Variants in PCDHGA8 observed in about 807,000 individuals in gnomAD.
PCDHGA8 encodes protocadherin gamma subfamily A, 8.
Under a neutral mutation model 59.2 loss-of-function variants are expected in PCDHGA8, and 45 were observed. That is an observed-to-expected ratio of 0.76 (90% confidence interval 0.60 to 0.98). The LOEUF (loss-of-function observed/expected upper bound fraction) is 0.98. PCDHGA8 is among the 50% of genes least tolerant of loss of function. The probability of loss-of-function intolerance (pLI) is 0.00; values close to 1 mark genes in which losing one functional copy is unlikely to be tolerated. For synonymous variants in PCDHGA8, 531 were observed against 519.0 expected (o/e 1.02, Z -0.32); for missense variants, 1,257 against 1,196.2 (o/e 1.05, Z -0.75).
rs376937850 is a variant in PCDHGA8 at position 141,491,097 on chromosome 5, C to T, written c.2425-3710C>T. The T allele has an allele frequency of 1.2e-6, 2 of 1,614,170 alleles. No homozygotes were observed. Among genetic ancestry groups the T allele is most frequent in the Non-Finnish European group, 1.7e-6 (2 of 1,180,018 alleles). On this transcript the variant is annotated intron_variant, in intron 1 of 3. Coordinates refer to ENST00000398604, the MANE Select transcript of PCDHGA8 (RefSeq NM_032088.2). The surrounding 1 kb of genome is among the most constrained non-coding windows in gnomAD (Gnocchi z 6.9). ...CACAGTCCACAGCCCCAGGACTGTT[C>T]CTCGTGTCTACACACACTGGTGAGG...
intron 1 of PCDHGA8, chr5:141,426,874 C>T: frequency 2.2e-6 from 1 of 456,654 alleles, no homozygotes; most frequent in Non-Finnish European, 4.4e-6. Context: ...CTGGAGAAGC[C>T]CCTGGGCCAG....
At chr5:141,423,694 T>A in intron 1 of PCDHGA8, 1 of 1,501,554 alleles carries the variant, frequency 6.7e-7, no homozygotes, top group Non-Finnish European at 8.9e-7. Context: ...TAATTGTTGG[T>A]GTCTTGGCAC....
Position 141,491,793 on chromosome 5 carries a change from C to A in PCDHGA8, c.2425-3014C>A. 6.6e-7 allele frequency: 1 copy of A among 1,511,410 alleles called. No homozygotes were observed. The highest frequency in any genetic ancestry group is 1.3e-5 in the South Asian group (1 of 77,572). The allele number at this position is 1,511,410 out of a possible 1,614,324, so 93.6% of individuals were successfully genotyped here. On this transcript the variant is annotated intron_variant, in intron 1 of 3. Coordinates refer to ENST00000398604, the MANE Select transcript of PCDHGA8 (RefSeq NM_032088.2). This position sits in a 1 kb window ranked among gnomAD's most constrained non-coding sequence, Gnocchi z 6.9. ...AGGGATTGAACTTGCATCCACTCCT[C>A]TCCGGCCGGCTTGGTCGCTGGCTGC...
chr5:141,423,544 C>G, intron 1 of PCDHGA8: 1 of 1,613,744 alleles, frequency 6.2e-7, no homozygotes, highest in African/African-American at 1.3e-5. Flanking sequence ...GATTTTCCCC[C>G]AGCCCAACTA....
chr5:141,423,236 C>G, intron 1 of PCDHGA8: 1 of 1,613,920 alleles, frequency 6.2e-7, no homozygotes, highest in Non-Finnish European at 8.5e-7. Flanking sequence ...GACAGCATCC[C>G]CGAAGTCCTG....
chr5:141,460,624 T>TA (rs1464862917), intron 1 of PCDHGA8, among the ~76,000 whole-genome samples: 2 of 152,128 alleles, frequency 1.3e-5, no homozygotes, highest in African/African-American at 4.8e-5. Context: ...GATAGACAGA[T>TA]ACAGATATAT....
chr5:141,396,882 G>C (rs2093447309), intron 1 of PCDHGA8, among the ~76,000 whole-genome samples: 3 of 152,208 alleles, frequency 2.0e-5, no homozygotes, highest in African/African-American at 7.2e-5. Flanking sequence ...GCACATTTGA[G>C]AGGACAACAT....
At chr5:141,433,699 T>C (rs2097645911) in intron 1 of PCDHGA8, among the ~76,000 whole-genome samples, 1 of 152,082 alleles carries the variant, frequency 6.6e-6, no homozygotes, top group Non-Finnish European at 1.5e-5. Flanking sequence ...TAGCCGGGCG[T>C]GGTGGTGCAT....
chr5:141,492,691 C>G (rs2099743102), intron 1 of PCDHGA8, among the ~76,000 whole-genome samples: 1 of 152,274 alleles, frequency 6.6e-6, no homozygotes, highest in South Asian at 2.1e-4. Flanking sequence ...TCGGCGACCC[C>G]TCAACCCAGA....
chr5:141,413,352 G>A (rs896091511), intron 1 of PCDHGA8: 1 of 1,613,976 alleles, frequency 6.2e-7, no homozygotes, highest in African/African-American at 1.3e-5. Flanking sequence ...TGGGTCTGGC[G>A]CCCCGGGAGC....
intron 1 of PCDHGA8, chr5:141,417,649 C>G (rs1294192479): frequency 1.2e-6 from 1 of 826,168 alleles, no homozygotes; most frequent in East Asian, 2.8e-5. Flanking sequence ...CCCTCAGCCT[C>G]TAGCCTGGGA....
chr5:141,430,015 T>G (rs2097256653), intron 1 of PCDHGA8, among the ~76,000 whole-genome samples: 1 of 152,236 alleles, frequency 6.6e-6, no homozygotes, highest in South Asian at 2.1e-4. Context: ...TTCACTTGGG[T>G]TCTTGTTAAG....
rs1404533394 is a variant in PCDHGA8, at chr5:141,491,708, G to T, written c.2425-3099G>T. ...CTGCGGGAGCGGAGCCAGGTGAGGG[G>T]CTCGGCGCCGCCCCGGGCGACCCCT... On this transcript the variant is annotated intron_variant, in intron 1 of 3. Transcript: ENST00000398604. The surrounding 1 kb of genome is among the most constrained non-coding windows in gnomAD (Gnocchi z 6.9). 1 of 1,610,132 alleles carries T rather than the reference G, an allele frequency of 6.2e-7. No individual in the cohort carries two copies. Among genetic ancestry groups the T allele is most frequent in the Admixed American group, 1.7e-5 (1 of 59,518 alleles).
rs368512862 is a variant in PCDHGA8 at position 141,491,734 on chromosome 5, G to T, written c.2425-3073G>T. ...CTCGGCGCCGCCCCGGGCGACCCCT[G>T]GGGGCGGCACTGGAGAAGCCGCCCG... On this transcript the variant is annotated intron_variant, in intron 1 of 3. Transcript: ENST00000398604. The surrounding 1 kb of genome is among the most constrained non-coding windows in gnomAD (Gnocchi z 6.9). 2.5e-4 allele frequency: 403 copies of T among 1,602,056 alleles called. No individual in the cohort carries two copies. Among genetic ancestry groups the T allele is most frequent in the Non-Finnish European group, 3.2e-4 (380 of 1,174,948 alleles).
chr5:141,413,575 G>A lies in PCDHGA8; in HGVS notation c.2424+18338G>A, dbSNP rs762938003. The stretch of plus-strand genomic sequence containing the variant: ...AGAAGTAACTGATATCAATGACAAT[G>A]CTCCAAAATTCCAAGCAGAAAATCT... On this transcript the variant is annotated intron_variant, in intron 1 of 3. Transcript: ENST00000398604. 4.3e-6 allele frequency: 7 copies of A among 1,613,886 alleles called. No individual in the cohort carries two copies. In the South Asian group the frequency reaches 6.6e-5, roughly 15 times the overall value.
chr5:141,505,779 T>G (rs1420143439), intron 3 of PCDHGA8, among the ~76,000 whole-genome samples: 1 of 139,496 alleles, frequency 7.2e-6, no homozygotes, highest in Non-Finnish European at 1.6e-5. Flanking sequence ...GTCCTAGCTC[T>G]GCTACTATCC....
chr5:141,405,457 TTA>T, intron 1 of PCDHGA8: 1 of 1,256,670 alleles, frequency 8.0e-7, no homozygotes, highest in Non-Finnish European at 1.1e-6. Context: ...TCTTACTCTG[TTA>T]CCCAGGCTGG....
rs1160156030 is a variant in PCDHGA8 at position 141,477,238 on chromosome 5, C to T, written c.2425-17569C>T. 20 of 1,614,094 alleles carry T rather than the reference C, an allele frequency of 1.2e-5. No individual in the cohort carries two copies. The highest frequency in any genetic ancestry group is 5.0e-5 in the Admixed American group (3 of 60,006). The stretch of plus-strand genomic sequence containing the variant: ...CTCTGGGGACTGTCATCGCTTTGCT[C>T]AGTGTGACTGACCTGGATGCTGGCG... On this transcript the variant is annotated intron_variant, in intron 1 of 3. Transcript: ENST00000398604. This position sits in a 1 kb window ranked among gnomAD's most constrained non-coding sequence, Gnocchi z 4.9.
At chr5:141,459,763 G>A (rs1243169814) in intron 1 of PCDHGA8, among the ~76,000 whole-genome samples, 1 of 152,206 alleles carries the variant, frequency 6.6e-6, no homozygotes, top group South Asian at 2.1e-4. Context: ...GTGGGTGTGT[G>A]ATACTATCTC....
Sources: allele counts gnomAD v4.1 joint callset (sites outside exome capture counted in the v4.1 genomes callset), GRCh38; gene constraint gnomAD v4.1.1; non-coding constraint Gnocchi (gnomAD v3.1); transcripts MANE v1.5; gene names NCBI Gene and HGNC (gene_info 2026-07-23, HGNC 2026-07-21).